The following NAV2 variants were observed in gnomAD, a reference collection of about 807,000 sequenced individuals.
NAV2 encodes the protein helicase, APC down-regulated 1.
In NAV2, 54 loss-of-function variants were observed where a neutral mutation model predicts 223.2. The observed-to-expected ratio is 0.24, with a 90% CI of 0.19 to 0.30. NAV2 has a LOEUF of 0.30. Ranked by LOEUF, NAV2 falls within the 10% of genes least tolerant of loss-of-function variation. The probability of loss-of-function intolerance (pLI) is 1.00; values close to 1 mark genes in which losing one functional copy is unlikely to be tolerated. For missense variants in NAV2, 2,806 were observed against 3,147.5 expected (o/e 0.89, Z 2.60); for synonymous variants, 1,279 against 1,239.3 (o/e 1.03, Z -0.67).
intron 1 of NAV2, among the ~76,000 whole-genome samples, chr11:19,641,834 A>G (rs894951605): frequency 2.6e-5 from 4 of 151,954 alleles, no homozygotes; most frequent in African/African-American, 4.8e-5. Context: ...TCTCTTTCAC[A>G]GCCCTTTGTC....
rs552858697 is a variant in NAV2, at chr11:19,386,985, G to T, written c.75+35958G>T. On this transcript the variant is annotated intron_variant, in intron 1 of 37. Coordinates refer to the NAV2 transcript ENST00000360655. The stretch of plus-strand genomic sequence containing the variant: ...AGCTGCTTATCAAGGCTACACAGGT[G>T]GTTACTGCCTGATCCAGGACAAGAA... Among the ~76,000 whole-genome samples, 10 of 152,216 alleles carry T rather than the reference G, an allele frequency of 6.6e-5. No individual in the cohort carries two copies. In the South Asian group the frequency reaches 2.1e-3, roughly 32 times the overall value.
chr11:19,621,970 G>A (rs1218336436), intron 1 of NAV2, among the ~76,000 whole-genome samples: 2 of 152,116 alleles, frequency 1.3e-5, no homozygotes, highest in Non-Finnish European at 1.5e-5. Context: ...TGTTCTCATT[G>A]GTTTCAAAGA....
At chr11:20,093,876 T>C (rs1203223332) in intron 29 of NAV2, among the ~76,000 whole-genome samples, 1 of 152,216 alleles carries the variant, frequency 6.6e-6, no homozygotes, top group East Asian at 1.9e-4. Context: ...CAGTGATGCT[T>C]TGAATGACTG....
intron 6 of NAV2, among the ~76,000 whole-genome samples, chr11:19,919,963 C>T (rs909508408): frequency 6.6e-6 from 1 of 152,010 alleles, no homozygotes; most frequent in Non-Finnish European, 1.5e-5. Flanking sequence ...ATGAGACCCC[C>T]ATCTCTACAA....
chr11:19,571,958 G>T (rs1011518700), intron 1 of NAV2, among the ~76,000 whole-genome samples: 5 of 152,258 alleles, frequency 3.3e-5, no homozygotes, highest in South Asian at 2.1e-4. Flanking sequence ...TGGCAGGTTT[G>T]GTCTTTCCCA....
chr11:19,493,474 A>G (rs1036424296), intron 1 of NAV2, among the ~76,000 whole-genome samples: 1 of 152,250 alleles, frequency 6.6e-6, no homozygotes, highest in Admixed American at 6.5e-5. Flanking sequence ...TGGTATGTCC[A>G]TGAGCATGAA....
At chr11:19,511,097 G>A (rs1003712692) in intron 1 of NAV2, 5 of 152,198 alleles carry the variant, frequency 3.3e-5, no homozygotes, top group African/African-American at 1.2e-4. Flanking sequence ...GGACTCATCA[G>A]GATCACACAG....
Position 20,055,934 on chromosome 11 carries a change from C to T in NAV2, c.4808C>T (p.Ser1603Leu). Residue 1603 changes from serine to leucine, a missense_variant, in exon 19 of 38, where the codon TCA becomes TTA. Coordinates refer to ENST00000349880, the MANE Select transcript of NAV2 (RefSeq NM_145117.5). ...EKSRTMSRSGSFRDGFEEVHG... is the reference protein window; with the variant it reads ...EKSRTMSRSGLFRDGFEEVHG... ...AGCAGAACCATGAGCCGTTCAGGCT[C>T]ATTCCGGGATGGGTTTGAAGAAGGT... 6.2e-7 allele frequency: 1 copy of T among 1,613,994 alleles called. No homozygotes were observed. The highest frequency in any genetic ancestry group is 8.5e-7 in the Non-Finnish European group (1 of 1,180,012).
At chr11:19,890,024 A>C (rs1271599762) in intron 5 of NAV2, among the ~76,000 whole-genome samples, 1 of 152,204 alleles carries the variant, frequency 6.6e-6, no homozygotes, top group Non-Finnish European at 1.5e-5. Context: ...CCAGTGTCCA[A>C]TCCCTTCATG....
At chr11:19,891,968 T>C (rs928127530) in intron 5 of NAV2, among the ~76,000 whole-genome samples, 5 of 152,142 alleles carry the variant, frequency 3.3e-5, no homozygotes, top group African/African-American at 1.2e-4. Context: ...TTTTGTTTTG[T>C]TTTGTTTTGA....
chr11:19,986,167 C>CT (rs1037619697), intron 11 of NAV2, among the ~76,000 whole-genome samples: 12 of 152,142 alleles, frequency 7.9e-5, no homozygotes, highest in African/African-American at 2.9e-4. Context: ...CACAGTTGAG[C>CT]TTGTTTCCTG....
chr11:19,562,930 C>T (rs1040232542), intron 1 of NAV2, among the ~76,000 whole-genome samples: 2 of 152,120 alleles, frequency 1.3e-5, no homozygotes, highest in Admixed American at 6.5e-5. Flanking sequence ...TTCTCTGGGT[C>T]CTAAAATAAT....
At chr11:19,616,668 A>G (rs1057420267) in intron 1 of NAV2, among the ~76,000 whole-genome samples, 97 of 151,934 alleles carry the variant, frequency 6.4e-4, no homozygotes, top group African/African-American at 2.2e-3. Flanking sequence ...CCCTGAGACC[A>G]AGGAGCACAA....
intron 6 of NAV2, among the ~76,000 whole-genome samples, chr11:19,931,589 G>A (rs2045343086): frequency 2.3e-5 from 1 of 43,288 alleles, no homozygotes; most frequent in Admixed American, 2.1e-4. Context: ...GTGGAACATA[G>A]GTATTTAAAA....
intron 10 of NAV2, among the ~76,000 whole-genome samples, chr11:19,963,521 G>T (rs1382626941): frequency 6.6e-6 from 1 of 152,148 alleles, no homozygotes; most frequent in Non-Finnish European, 1.5e-5. Context: ...CCATTTGAAG[G>T]AGCTATGAAG....
intron 1 of NAV2, among the ~76,000 whole-genome samples, chr11:19,774,800 C>G (rs992563879): frequency 2.0e-5 from 3 of 152,170 alleles, no homozygotes; most frequent in African/African-American, 7.2e-5. Flanking sequence ...TTAATTAAAG[C>G]TGAGGCAGGT....
intron 11 of NAV2, among the ~76,000 whole-genome samples, chr11:20,005,253 A>ATATATATATTT (rs1277010848): frequency 6.7e-5 from 9 of 134,546 alleles, no homozygotes; most frequent in Middle Eastern, 3.8e-3. Flanking sequence ...ATATATATAT[A>ATATATATATTT]TTTTTTTTTT....
intron 1 of NAV2, among the ~76,000 whole-genome samples, chr11:19,546,379 C>G (rs1396768529): frequency 6.6e-6 from 1 of 152,162 alleles, no homozygotes; most frequent in Non-Finnish European, 1.5e-5. Flanking sequence ...AATGGAGGCC[C>G]CATGCTGGGG....
At chr11:19,771,391 C>T (rs994964713) in intron 1 of NAV2, among the ~76,000 whole-genome samples, 1 of 152,108 alleles carries the variant, frequency 6.6e-6, no homozygotes, top group Non-Finnish European at 1.5e-5. Context: ...TAGTTTTGCT[C>T]TGAGTCTTGA....
Sources: gnomAD v4.1 joint callset for allele counts (sites outside exome capture counted in the v4.1 genomes callset) on GRCh38, gnomAD v4.1.1 for gene constraint, MANE v1.5 for transcripts, NCBI Gene and HGNC (gene_info 2026-07-23, HGNC 2026-07-21) for gene names.